HERC2: variants seen among roughly 807,000 people sequenced by gnomAD.
HERC2 encodes the protein E3 ubiquitin-protein ligase HERC2.
A neutral mutation model predicts 537.7 loss-of-function variants in HERC2; 102 were observed. The ratio of observed to expected loss-of-function variants is 0.19; its 90% CI spans 0.16 to 0.22. The LOEUF (loss-of-function observed/expected upper bound fraction) is 0.22. Among genes scored for constraint, HERC2 ranks in the 10% least tolerant of loss-of-function variants. HERC2 has a pLI of 1.00. For missense variants in HERC2, 4,236 were observed against 6,198.2 expected (o/e 0.68, Z 10.63); for synonymous variants, 2,224 against 2,466.2 (o/e 0.90, Z 2.91).
At position 28,238,609 on chromosome 15, in the gene HERC2, A is replaced by C. The variant is rs1341226245; in HGVS notation, c.3741T>G (p.Ser1247Arg). 6.2e-7 allele frequency: 1 copy of C among 1,610,184 alleles called. No individual in the cohort carries two copies. The highest frequency in any genetic ancestry group is 8.5e-7 in the Non-Finnish European group (1 of 1,178,350). ...DFQTQSLTGN[S>R]ILAQFAGEDP... ...TAACAAGTGTAATCTTACCAAGAAT[A>C]CTATTTCCTGTTAACGACTGTGTCT... is the stretch of plus-strand genomic sequence containing the variant. The change falls in exon 24 of 93, where the codon AGT becomes AGG. Residue 1247 changes from serine to arginine, a missense_variant. By Grantham distance (110) the Ser-to-Arg change is moderately radical. Coordinates refer to ENST00000261609, the MANE Select transcript of HERC2 (RefSeq NM_004667.6).
intron 83 of HERC2, among the ~76,000 whole-genome samples, chr15:28,129,392 G>A (rs1264238859): frequency 6.6e-6 from 1 of 152,206 alleles, no homozygotes; most frequent in Non-Finnish European, 1.5e-5. Context: ...GCTGGGTAGA[G>A]ACTCCAGGCC....
At chr15:28,280,859 G>A (rs1338872206) in intron 4 of HERC2, among the ~76,000 whole-genome samples, 1 of 152,004 alleles carries the variant, frequency 6.6e-6, no homozygotes, top group Non-Finnish European at 1.5e-5. Flanking sequence ...GCAGTGAGCT[G>A]AGATTTTGTC....
chr15:28,138,117 G>A (rs1389226563), intron 78 of HERC2, among the ~76,000 whole-genome samples: 1 of 152,210 alleles, frequency 6.6e-6, no homozygotes, highest in Admixed American at 6.5e-5. Context: ...AAAGTCTGAA[G>A]GTAACAGAGA....
Position 28,316,414 on chromosome 15 carries a change from A to G in HERC2, c.72+4948T>C, listed in dbSNP as rs558247564. ...CAGCACTTTGGGAGGCCAAGGCAGG[A>G]GGATCACTTGAATGCAGGTGTTCTA... is the stretch of plus-strand genomic sequence containing the variant. On this transcript the variant is annotated intron_variant, in intron 2 of 92. Transcript: ENST00000261609. Among the ~76,000 whole-genome samples, 31 of 152,236 alleles carry G rather than the reference A, an allele frequency of 2.0e-4. No homozygotes were observed. In the South Asian group the frequency reaches 6.2e-3, roughly 31 times the overall value.
At position 28,276,182 on chromosome 15, in the gene HERC2, T is replaced by A. The variant is rs191666535; in HGVS notation, c.543-1177A>T. Among the ~76,000 whole-genome samples, 7 of 72,960 alleles carry A rather than the reference T, an allele frequency of 9.6e-5. No individual in the cohort carries two copies. The Admixed American group carries it at 1.3e-3, about 13-fold the overall frequency. 47.9% of individuals were successfully genotyped at this position (72,960 alleles called of 152,430 possible). On this transcript the variant is annotated intron_variant, in intron 5 of 92. Transcript: ENST00000261609. ...GCCTGGGAGGCAGAGCAAGACTCCA[T>A]CTCAAAAAACAAAAAAAAAAAAAAA...
rs1428085360 is a variant in HERC2 at position 28,202,193 on chromosome 15, G to A, written c.7537C>T (p.Leu2513Phe). The change falls in exon 47 of 93, where the codon CTC (leucine) becomes TTC (phenylalanine). Residue 2513 changes from leucine (L) to phenylalanine (F), a missense_variant. By Grantham distance (22) the Leu-to-Phe change is conservative. Transcript: ENST00000261609. ...LDHSDIQVTELSDADTVSDEY... is the reference protein window; with the variant it reads ...LDHSDIQVTEFSDADTVSDEY... Reference sequence around the variant, plus strand: ...TCGGACACCGTGTCTGCATCTGAGAGCTCCGTGACCTGTATGTCGGAGTGG... The same window carrying A: ...TCGGACACCGTGTCTGCATCTGAGAACTCCGTGACCTGTATGTCGGAGTGG... 6.3e-7 allele frequency: 1 copy of A among 1,596,304 alleles called. No homozygotes were observed. The highest frequency in any genetic ancestry group is 1.1e-5 in the South Asian group (1 of 90,620).
chr15:28,276,192 C>CAAAAAAAAAA (rs11359639), intron 5 of HERC2, among the ~76,000 whole-genome samples: 17 of 70,102 alleles, frequency 2.4e-4, no homozygotes, highest in African/African-American at 5.6e-4. Context: ...TCTCAAAAAA[C>CAAAAAAAAAA]AAAAAAAAAA....
rs762666765 is a variant in HERC2 at position 28,115,581 on chromosome 15, A to C, written c.13610-40T>G. ...CACAAGTGACAGAGGACACTTCAAA[A>C]GGATGACAAAACTTCCCGCTCACTC... is the stretch of plus-strand genomic sequence containing the variant. On this transcript the variant is annotated intron_variant, in intron 88 of 92. Transcript: ENST00000261609. The C allele has an allele frequency of 8.0e-6, 12 of 1,498,116 alleles. 1 individual carries two copies. In the Middle Eastern group the frequency reaches 5.1e-4, roughly 64 times the overall value. 92.8% of individuals were successfully genotyped at this position (1,498,116 alleles called of 1,614,324 possible).
At chr15:28,187,537 T>A (rs1041601107) in intron 55 of HERC2, among the ~76,000 whole-genome samples, 3 of 152,132 alleles carry the variant, frequency 2.0e-5, no homozygotes, top group African/African-American at 7.2e-5. Flanking sequence ...TTCACCATGT[T>A]GGCTAGGCTG....
At chr15:28,131,354 T>C (rs554125713) in intron 81 of HERC2, among the ~76,000 whole-genome samples, 1 of 152,134 alleles carries the variant, frequency 6.6e-6, no homozygotes, top group East Asian at 1.9e-4. Flanking sequence ...GAAGCACCTG[T>C]GCCACACCTG....
At chr15:28,181,066 ACT>A (rs1895773165) in intron 57 of HERC2, among the ~76,000 whole-genome samples, 1 of 152,046 alleles carries the variant, frequency 6.6e-6, no homozygotes, top group Non-Finnish European at 1.5e-5. Flanking sequence ...TGTCCTGCTC[ACT>A]CTCTGATTCT....
At chr15:28,147,203 G>A (rs1465231461) in intron 70 of HERC2, among the ~76,000 whole-genome samples, 1 of 152,126 alleles carries the variant, frequency 6.6e-6, no homozygotes, top group Non-Finnish European at 1.5e-5. Context: ...GGATTTGCTG[G>A]TGGACTAGAT....
intron 81 of HERC2, among the ~76,000 whole-genome samples, chr15:28,131,600 C>A (rs747372436): frequency 2.0e-5 from 3 of 152,196 alleles, no homozygotes; most frequent in Non-Finnish European, 4.4e-5. Flanking sequence ...TGGAGCAGAG[C>A]CGCCGACCCC....
chr15:28,315,536 T>C (rs2077058709), intron 2 of HERC2: 1 of 420,392 alleles, frequency 2.4e-6, no homozygotes, highest in Non-Finnish European at 4.7e-6. Flanking sequence ...GGTTCATGCT[T>C]GTACTCCCAG....
chr15:28,236,039 A>G (rs1032873492), intron 26 of HERC2, among the ~76,000 whole-genome samples: 2 of 152,192 alleles, frequency 1.3e-5, no homozygotes, highest in African/African-American at 4.8e-5. Flanking sequence ...CTGTTCCCTG[A>G]GAGGACAGCT....
intron 6 of HERC2, 71 bp downstream of exon 6, chr15:28,274,834 G>T: frequency 1.6e-6 from 2 of 1,217,382 alleles, no homozygotes; most frequent in East Asian, 2.3e-5. Flanking sequence ...CATGGTGGCT[G>T]AACCGAGTTC....
intron 19 of HERC2, 75 bp from the exon 20 acceptor site, chr15:28,254,593 C>T (rs1211023610): frequency 3.0e-6 from 3 of 1,000,362 alleles, no homozygotes; most frequent in Admixed American, 5.8e-5. Context: ...TGGCTGAGCC[C>T]TAACCCCAGT....
intron 81 of HERC2, 77 bp downstream of exon 81, chr15:28,132,023 T>G (rs1334020678): frequency 1.6e-6 from 2 of 1,267,114 alleles, no homozygotes; most frequent in African/African-American, 1.9e-5. Flanking sequence ...TCTGAGGCTG[T>G]GTTTTCCCAG....
chr15:28,117,742 C>G (rs988099475), intron 86 of HERC2: 2 of 363,640 alleles, frequency 5.5e-6, no homozygotes, highest in Non-Finnish European at 1.1e-5. Context: ...CTCCCCAACA[C>G]AGGCAGTCAC....
Sources: gnomAD v4.1 joint callset for allele counts (sites outside exome capture counted in the v4.1 genomes callset) on GRCh38, gnomAD v4.1.1 for gene constraint, MANE v1.5 for transcripts, NCBI Gene and HGNC (gene_info 2026-07-23, HGNC 2026-07-21) for gene names.